AGO2: variants seen among roughly 807,000 people sequenced by gnomAD.
AGO2 encodes argonaute RISC catalytic component 2, also known as protein argonaute-2.
A neutral mutation model predicts 102.3 loss-of-function variants in AGO2; 5 were observed. The ratio of observed to expected loss-of-function variants is 0.05; its 90% CI spans 0.03 to 0.10. The LOEUF (loss-of-function observed/expected upper bound fraction) is 0.10, where lower values mean the gene tolerates loss of function less well. Among genes scored for constraint, AGO2 ranks in the 10% least tolerant of loss-of-function variants. AGO2 has a pLI of 1.00. For missense variants in AGO2, 541 were observed against 1,183.7 expected (o/e 0.46, Z 7.97); for synonymous variants, 449 against 473.1 (o/e 0.95, Z 0.66).
intron 1 of AGO2, among the ~76,000 whole-genome samples, chr8:140,626,057 G>A (rs932487137): frequency 6.6e-6 from 1 of 152,228 alleles, no homozygotes; most frequent in Admixed American, 6.5e-5. Flanking sequence ...AGCCACCACG[G>A]CAAAGCCATG....
upstream of AGO2, among the ~76,000 whole-genome samples, chr8:140,640,155 CATG>C (rs1234704099): frequency 2.6e-5 from 4 of 151,934 alleles, no homozygotes; most frequent in Non-Finnish European, 4.4e-5. Context: ...ATTACAGGCG[CATG>C]CCACCACACC....
chr8:140,579,347 A>G (rs2073515418), intron 2 of AGO2, among the ~76,000 whole-genome samples: 1 of 152,230 alleles, frequency 6.6e-6, no homozygotes, highest in Non-Finnish European at 1.5e-5. Context: ...ACAGCTATCC[A>G]GAAATACATT....
At chr8:140,532,347 A>G (rs901463401) in intron 18 of AGO2, 69 bp downstream of exon 18, 10 of 1,534,400 alleles carry the variant, frequency 6.5e-6, no homozygotes, top group South Asian at 1.2e-5. Context: ...CCCCTTCCAG[A>G]AAAGCAGCTG....
intron 1 of AGO2, among the ~76,000 whole-genome samples, chr8:140,608,597 G>A (rs1259066851): frequency 1.3e-5 from 2 of 152,202 alleles, no homozygotes; most frequent in Admixed American, 1.3e-4. Flanking sequence ...TCCAGGCTGA[G>A]GGAAGGTCAT....
At chr8:140,544,697 T>C (rs915581682) in intron 13 of AGO2, among the ~76,000 whole-genome samples, 4 of 152,182 alleles carry the variant, frequency 2.6e-5, no homozygotes, top group Non-Finnish European at 5.9e-5. Context: ...TCGCTCTTTG[T>C]TGGGGTAGGG....
chr8:140,612,051 G>A (rs1046051713), intron 1 of AGO2, among the ~76,000 whole-genome samples: 3 of 151,560 alleles, frequency 2.0e-5, no homozygotes, highest in African/African-American at 2.4e-5. Flanking sequence ...GTGAAACCCC[G>A]TCTCTACTAA....
In AGO2 at chr8:140,562,482, G is replaced by A. The variant is rs76003517; in HGVS notation, c.489C>T (p.Asp163=). The A allele has an allele frequency of 4.1e-5, 66 of 1,613,254 alleles. No homozygotes were observed. Among genetic ancestry groups the A allele is most frequent in the East Asian group, 1.1e-4 (5 of 44,866 alleles). Residue 163 remains aspartate, a synonymous_variant, in exon 4 of 19, where the codon GAC becomes GAT. Coordinates refer to ENST00000220592, the MANE Select transcript of AGO2 (RefSeq NM_012154.5). ...SVPFETIQAL[D]VVMRHLPSMR... ...TGGATGGCAAGTGCCTCATGACCACGTCCAGGGCCTGGATCGTCTCAAAAG... is the reference window on the plus strand; with the variant it reads ...TGGATGGCAAGTGCCTCATGACCACATCCAGGGCCTGGATCGTCTCAAAAG...
intron 1 of AGO2, among the ~76,000 whole-genome samples, chr8:140,631,305 G>A (rs972076733): frequency 6.6e-6 from 1 of 152,182 alleles, no homozygotes; most frequent in Non-Finnish European, 1.5e-5. Flanking sequence ...ACTTTGGGAG[G>A]CCGAGGCAGG....
At chr8:140,550,376 C>T (rs1271485020) in intron 11 of AGO2, among the ~76,000 whole-genome samples, 1 of 152,196 alleles carries the variant, frequency 6.6e-6, no homozygotes, top group Non-Finnish European at 1.5e-5. Context: ...GCACGAGCCA[C>T]CCTGCTGTGT....
intron 1 of AGO2, among the ~76,000 whole-genome samples, chr8:140,604,635 G>GC (rs2073970595): frequency 6.6e-6 from 1 of 152,100 alleles, no homozygotes; most frequent in African/African-American, 2.4e-5. Context: ...GACCATACTG[G>GC]CCAACACGGT....
intron 11 of AGO2, among the ~76,000 whole-genome samples, chr8:140,550,010 C>T (rs912451550): frequency 2.0e-5 from 3 of 152,220 alleles, no homozygotes; most frequent in African/African-American, 4.8e-5. Context: ...TCAAGAAACA[C>T]GTGTGTGTCC....
intron 2 of AGO2, among the ~76,000 whole-genome samples, chr8:140,582,072 T>C (rs1327806943): frequency 2.0e-5 from 3 of 152,244 alleles, no homozygotes; most frequent in Admixed American, 6.5e-5. Flanking sequence ...CAAAGGGGCT[T>C]TCTAGCAGAA....
rs984732659 is a variant in AGO2, at chr8:140,540,747, A to G, written c.2034+417T>C. ...TATCCATCCTTCTGGCCCTGCCTCCACACCTCTCACACTGCAGACAGGCGT... is the reference window on the plus strand; with the variant it reads ...TATCCATCCTTCTGGCCCTGCCTCCGCACCTCTCACACTGCAGACAGGCGT... On this transcript the variant is annotated intron_variant, in intron 15 of 18. Coordinates refer to ENST00000220592, the MANE Select transcript of AGO2 (RefSeq NM_012154.5). The surrounding 1 kb of genome is among the most constrained non-coding windows in gnomAD (Gnocchi z 5.0). Among the ~76,000 whole-genome samples the G allele has an allele frequency of 6.6e-6, 1 of 151,916 alleles. No homozygotes were observed. Among genetic ancestry groups the G allele is most frequent in the African/African-American group, 2.4e-5 (1 of 41,356 alleles).
chr8:140,562,735 G>T, intron 3 of AGO2, 101 bp from the exon 4 acceptor site: 1 of 1,423,332 alleles, frequency 7.0e-7, no homozygotes, highest in Non-Finnish European at 9.5e-7. Context: ...GGGTGAGGAA[G>T]TCCCCGCCCA....
At chr8:140,628,128 G>A (rs531056383) in intron 1 of AGO2, among the ~76,000 whole-genome samples, 33 of 152,386 alleles carry the variant, frequency 2.2e-4, no homozygotes, top group South Asian at 4.1e-4. Context: ...GGCAGAGACC[G>A]GAAGAAGCTT....
chr8:140,541,266 G>A lies in AGO2; in HGVS notation c.1932C>T (p.Ala644=), dbSNP rs2072792360. 2 of 1,613,570 alleles carry A rather than the reference G, an allele frequency of 1.2e-6. No homozygotes were observed. The highest frequency in any genetic ancestry group is 4.5e-5 in the East Asian group (2 of 44,854). ...HRQEIIQDLA[A]MVRELLIQFY... is the part of the protein sequence containing the mutation. ...ACTGGATGAGGAGCTCGCGGACCAT[G>A]GCGGCCAGGTCTTGTATGATCTCCT... is the stretch of plus-strand genomic sequence containing the variant. Residue 644 remains alanine (A), a synonymous_variant, in exon 15 of 19, where the codon GCC becomes GCT. Transcript: ENST00000220592.
Position 140,521,336 on chromosome 8 carries a change from T to C in AGO2, c.*10708A>G, listed in dbSNP as rs942784427. On this transcript the variant is annotated 3_prime_UTR_variant, in exon 19 of 19. Transcript: ENST00000220592. ...AAAAACATTTAAGTAGAATCATCTCTCTCTCTATTTTTGAGATCCTGCAGC... is the reference window on the plus strand; with the variant it reads ...AAAAACATTTAAGTAGAATCATCTCCCTCTCTATTTTTGAGATCCTGCAGC... The C allele has an allele frequency of 6.6e-6, 1 of 152,088 alleles. No homozygotes were observed. Among genetic ancestry groups the C allele is most frequent in the Non-Finnish European group, 1.5e-5 (1 of 68,002 alleles). 9.4% of individuals were successfully genotyped at this position (152,088 alleles called of 1,614,324 possible).
chr8:140,578,545 A>C (rs991891335), intron 2 of AGO2, among the ~76,000 whole-genome samples: 17 of 152,318 alleles, frequency 1.1e-4, no homozygotes, highest in African/African-American at 3.8e-4. Flanking sequence ...AAAGTGAGCA[A>C]GCGTCCCTGC....
At position 140,557,018 on chromosome 8, in the gene AGO2, A is replaced by T; in HGVS notation, c.1026+71T>A. ...TGACTGGGGCCTCGGCGGTTTCTCG[A>T]AGCTGCATGCCCCAGCCTGGGACGC... is the stretch of plus-strand genomic sequence containing the variant. On this transcript the variant is annotated intron_variant, in intron 8 of 18. Transcript: ENST00000220592. This position sits in a 1 kb window ranked among gnomAD's most constrained non-coding sequence, Gnocchi z 5.9. 7 of 1,537,688 alleles carry T rather than the reference A, an allele frequency of 4.6e-6. 1 individual carries two copies. The South Asian group carries it at 8.8e-5, about 19-fold the overall frequency.
Sources: allele counts gnomAD v4.1 joint callset (sites outside exome capture counted in the v4.1 genomes callset), GRCh38; gene constraint gnomAD v4.1.1; non-coding constraint Gnocchi (gnomAD v3.1); transcripts MANE v1.5; gene names NCBI Gene and HGNC (gene_info 2026-07-23, HGNC 2026-07-21).